DTD1: variants seen among roughly 807,000 people sequenced by gnomAD.
DTD1 encodes the protein D-aminoacyl-tRNA deacylase 1, also known as D-tyrosyl-tRNA deacylase 1 homolog.
In DTD1, 13 loss-of-function variants were observed where a neutral mutation model predicts 25.6. The observed-to-expected ratio is 0.51, with a 90% confidence interval of 0.33 to 0.81. The LOEUF (loss-of-function observed/expected upper bound fraction) is 0.81. DTD1 is among the 30% of genes least tolerant of loss of function. The probability of loss-of-function intolerance (pLI) is 0.02; values close to 1 mark genes in which losing one functional copy is unlikely to be tolerated. For synonymous variants in DTD1, 110 were observed against 103.6 expected, an observed-to-expected ratio of 1.06 and a Z score of -0.37; for missense variants, 193 against 266.4, an observed-to-expected ratio of 0.72 and a Z score of 1.92.
intron 3 of DTD1, among the ~76,000 whole-genome samples, chr20:18,624,214 C>T (rs1002136176): frequency 6.6e-5 from 10 of 152,112 alleles, no homozygotes; most frequent in Non-Finnish European, 1.2e-4. Context: ...TTTCCCAAGC[C>T]GTGTCCAGCC....
chr20:18,679,608 T>C (rs1162700465), intron 4 of DTD1, among the ~76,000 whole-genome samples: 4 of 152,224 alleles, frequency 2.6e-5, no homozygotes, highest in Non-Finnish European at 5.9e-5. Flanking sequence ...ATTCAACTCC[T>C]AGATTCTTTT....
At chr20:18,653,475 T>A (rs1216980239) in intron 4 of DTD1, among the ~76,000 whole-genome samples, 1 of 152,226 alleles carries the variant, frequency 6.6e-6, no homozygotes, top group Non-Finnish European at 1.5e-5. Context: ...GAAAGTAATA[T>A]GTTGATTTTT....
intron 4 of DTD1, among the ~76,000 whole-genome samples, chr20:18,688,407 C>T (rs1439948954): frequency 6.6e-6 from 1 of 151,932 alleles, no homozygotes; most frequent in African/African-American, 2.4e-5. Flanking sequence ...GGAGTGTGAA[C>T]CTAGATTCAT....
At chr20:18,656,781 G>T (rs1400599850) in intron 4 of DTD1, among the ~76,000 whole-genome samples, 7 of 152,122 alleles carry the variant, frequency 4.6e-5, no homozygotes, top group South Asian at 2.1e-4. Flanking sequence ...TTCCTTAGTC[G>T]TGGCCGTGGC....
intron 4 of DTD1, among the ~76,000 whole-genome samples, chr20:18,740,465 C>G (rs2061273330): frequency 6.6e-6 from 1 of 151,976 alleles, no homozygotes; most frequent in Non-Finnish European, 1.5e-5. Context: ...TATGCATCTA[C>G]ACACAAGTAA....
intron 1 of DTD1, among the ~76,000 whole-genome samples, chr20:18,589,780 G>A (rs1454010835): frequency 6.6e-6 from 1 of 152,150 alleles, no homozygotes; most frequent in Non-Finnish European, 1.5e-5. Context: ...GAGATGTGCT[G>A]AATAAGAGTT....
At chr20:18,639,656 C>A (rs1168174203) in intron 4 of DTD1, among the ~76,000 whole-genome samples, 1 of 152,158 alleles carries the variant, frequency 6.6e-6, no homozygotes, top group African/African-American at 2.4e-5. Context: ...CAAAACGAAA[C>A]ACAAAAGAAT....
At chr20:18,652,089 T>C (rs748354887) in intron 4 of DTD1, among the ~76,000 whole-genome samples, 2 of 152,232 alleles carry the variant, frequency 1.3e-5, no homozygotes, top group Non-Finnish European at 2.9e-5. Flanking sequence ...TGAGGAGTAC[T>C]GACTGTCAGC....
intron 4 of DTD1, among the ~76,000 whole-genome samples, chr20:18,677,076 C>G (rs8124228): frequency 0.36 from 55,011 of 152,040 alleles, 10,272 homozygotes; most frequent in Non-Finnish European, 0.41. Context: ...TAACATACAG[C>G]TGAATACCTT....
intron 4 of DTD1, among the ~76,000 whole-genome samples, chr20:18,707,252 A>G (rs879313231): frequency 2.6e-5 from 4 of 152,232 alleles, no homozygotes; most frequent in Non-Finnish European, 4.4e-5. Flanking sequence ...ATGATCATCA[A>G]TTCTGGGAAA....
intron 4 of DTD1, among the ~76,000 whole-genome samples, chr20:18,653,151 C>T (rs1286168116): frequency 6.6e-6 from 1 of 152,138 alleles, no homozygotes; most frequent in Non-Finnish European, 1.5e-5. Context: ...CCTGTGATTC[C>T]AGCACTTTGG....
rs57848248 is a variant in DTD1 at position 18,612,033 on chromosome 20, G to GTTTT, written c.370+15808_370+15811dup. On this transcript the variant is annotated intron_variant, in intron 3 of 5. Coordinates refer to ENST00000377452, the MANE Select transcript of DTD1 (RefSeq NM_080820.6). ...CCGTGCCCGGCTAATTAATTTTTGT[G>GTTTT]TTTTTTTTTTTTTTTTTTTGAAACG... Among the ~76,000 whole-genome samples the GTTTT allele has an allele frequency of 9.3e-5, 9 of 96,650 alleles. No individual in the cohort carries two copies. In the South Asian group the frequency reaches 1.1e-3, roughly 12 times the overall value. The allele number at this position is 96,650 out of a possible 152,430, so 63.4% of individuals were successfully genotyped here.
In DTD1 at chr20:18,593,806, A is replaced by G; in HGVS notation, c.119A>G (p.Lys40Arg). Reference sequence around the variant, plus strand: ...GGTATTTCCCTGGAGGATACGCAGAAGGAACTGGAACACATGTAAGATGCA... The same window carrying G: ...GGTATTTCCCTGGAGGATACGCAGAGGGAACTGGAACACATGTAAGATGCA... ...LLGISLEDTQ[K>R]ELEHMVRKIL... is the part of the protein sequence containing the mutation. The change falls in exon 2 of 6, where the codon AAG becomes AGG. Residue 40 changes from lysine (K) to arginine (R), a missense_variant. Physicochemically the swap from Lys to Arg is conservative, Grantham distance 26 (BLOSUM62 2). Coordinates refer to ENST00000377452, the MANE Select transcript of DTD1 (RefSeq NM_080820.6). The G allele has an allele frequency of 6.2e-7, 1 of 1,613,820 alleles. No homozygotes were observed. Among genetic ancestry groups the G allele is most frequent in the Non-Finnish European group, 8.5e-7 (1 of 1,179,800 alleles).
intron 5 of DTD1, among the ~76,000 whole-genome samples, chr20:18,754,553 A>G (rs1308494038): frequency 6.6e-6 from 1 of 152,222 alleles, no homozygotes; most frequent in Non-Finnish European, 1.5e-5. Context: ...TCAAGCCTCA[A>G]TGGTCCACCC....
chr20:18,708,773 T>G (rs1600383815), intron 4 of DTD1, among the ~76,000 whole-genome samples: 1 of 152,166 alleles, frequency 6.6e-6, no homozygotes, highest in Non-Finnish European at 1.5e-5. Context: ...CAGCACTGGC[T>G]TAGAGGGCAA....
chr20:18,748,174 T>TACACAC (rs11467996), intron 5 of DTD1, among the ~76,000 whole-genome samples: 25 of 150,202 alleles, frequency 1.7e-4, no homozygotes, highest in Admixed American at 6.6e-4. Flanking sequence ...CTGGCACGCA[T>TACACAC]ACACACACAC....
intron 4 of DTD1, among the ~76,000 whole-genome samples, chr20:18,729,122 G>GC (rs1256336390): frequency 3.3e-5 from 5 of 152,196 alleles, no homozygotes; most frequent in Non-Finnish European, 4.4e-5. Context: ...TCCTGCCTCA[G>GC]CCCCTCAAGG....
intron 4 of DTD1, among the ~76,000 whole-genome samples, chr20:18,646,705 A>G (rs113849285): frequency 6.6e-6 from 1 of 152,158 alleles, no homozygotes; most frequent in Admixed American, 6.5e-5. Flanking sequence ...ACAGTTGGCC[A>G]TTCATAGGTG....
At chr20:18,730,412 A>G (rs886496384) in intron 4 of DTD1, among the ~76,000 whole-genome samples, 4 of 152,264 alleles carry the variant, frequency 2.6e-5, no homozygotes, top group African/African-American at 7.2e-5. Context: ...CCAAATTTAT[A>G]CTCCTATCAC....
Sources: allele counts gnomAD v4.1 joint callset (sites outside exome capture counted in the v4.1 genomes callset), GRCh38; gene constraint gnomAD v4.1.1; transcripts MANE v1.5; gene names NCBI Gene and HGNC (gene_info 2026-07-23, HGNC 2026-07-21).